ZNF451: variants seen among roughly 807,000 people sequenced by gnomAD.
The protein encoded by ZNF451 is zinc finger protein 451, also known as E3 SUMO-protein ligase ZNF451.
Under a neutral mutation model 107.1 loss-of-function variants are expected in ZNF451, and 80 were observed. The ratio of observed to expected loss-of-function variants is 0.75; its 90% confidence interval spans 0.62 to 0.90. The LOEUF is 0.90. ZNF451 is among the 40% of genes least tolerant of loss of function. The pLI is 0.00. For synonymous variants in ZNF451, 362 were observed against 406.5 expected, an observed-to-expected ratio of 0.89 and a Z score of 1.32; for missense variants, 1,107 against 1,236.2, an observed-to-expected ratio of 0.90 and a Z score of 1.57.
chr6:57,096,545 A>C (rs1010406879), intron 2 of ZNF451, among the ~76,000 whole-genome samples: 1 of 121,052 alleles, frequency 8.3e-6, no homozygotes, highest in Non-Finnish European at 1.6e-5. Context: ...GTCATCTTTC[A>C]TCTTCTTCTT....
intron 2 of ZNF451, among the ~76,000 whole-genome samples, chr6:57,098,378 G>T (rs1028255824): frequency 5.3e-5 from 8 of 151,786 alleles, no homozygotes; most frequent in African/African-American, 1.7e-4. Flanking sequence ...GTATTCTCTT[G>T]TATATCCACT....
At chr6:57,161,236 C>T (rs1763661515) in intron 14 of ZNF451, 84 bp downstream of exon 14, 2 of 692,708 alleles carry the variant, frequency 2.9e-6, no homozygotes, top group East Asian at 3.0e-5. Context: ...CCCATTCACC[C>T]CTCTTATTCC....
At chr6:57,134,477 G>T (rs980856861) in intron 6 of ZNF451, among the ~76,000 whole-genome samples, 2 of 152,184 alleles carry the variant, frequency 1.3e-5, no homozygotes, top group African/African-American at 4.8e-5. Context: ...TACCAGTTTG[G>T]TAAGAAATGT....
intron 3 of ZNF451, chr6:57,104,138 G>A (rs879149785): frequency 1.0e-6 from 1 of 984,310 alleles, no homozygotes; most frequent in South Asian, 4.7e-5. Context: ...TGTAGAAATA[G>A]GTCCATGCCA....
chr6:57,096,057 CAT>C (rs1254198751), intron 2 of ZNF451, among the ~76,000 whole-genome samples: 2 of 151,996 alleles, frequency 1.3e-5, no homozygotes, highest in African/African-American at 4.8e-5. Context: ...CTCATGGCCT[CAT>C]GTGGTCCACC....
intron 7 of ZNF451, among the ~76,000 whole-genome samples, chr6:57,138,998 A>G: frequency 6.6e-6 from 1 of 151,856 alleles, no homozygotes; most frequent in Non-Finnish European, 1.5e-5. Flanking sequence ...AAACAACTTT[A>G]TGTGAGTTCA....
chr6:57,138,749 G>A (rs1192150432), intron 7 of ZNF451, among the ~76,000 whole-genome samples: 5 of 124,182 alleles, frequency 4.0e-5, no homozygotes, highest in African/African-American at 1.2e-4. Flanking sequence ...ATATGTGTGT[G>A]TGTGTGTGTG....
chr6:57,156,366 G>A (rs541482903), intron 13 of ZNF451, among the ~76,000 whole-genome samples: 1 of 152,216 alleles, frequency 6.6e-6, no homozygotes, highest in African/African-American at 2.4e-5. Flanking sequence ...TTTGTGAATA[G>A]TTGAGTAATA....
At chr6:57,100,919 G>A (rs890292999) in intron 3 of ZNF451, 23 of 1,550,752 alleles carry the variant, frequency 1.5e-5, no homozygotes, top group African/African-American at 5.5e-5. Flanking sequence ...GAGAATTTAC[G>A]TATAGATTCT....
At chr6:57,102,677 G>A (rs1156626359) in intron 3 of ZNF451, 11 of 985,422 alleles carry the variant, frequency 1.1e-5, no homozygotes, top group Middle Eastern at 5.2e-4. Flanking sequence ...AATCAGCCAT[G>A]AAGCTTTGTG....
chr6:57,099,363 G>T, intron 3 of ZNF451: 1 of 665,138 alleles, frequency 1.5e-6, no homozygotes, highest in Non-Finnish European at 2.7e-6. Context: ...ATATGACTCT[G>T]GGAAATTCAG....
chr6:57,102,810 A>C (rs1829669776), intron 3 of ZNF451: 3 of 985,452 alleles, frequency 3.0e-6, no homozygotes, highest in Non-Finnish European at 2.4e-6. Context: ...ATCTCTGTAG[A>C]AATTGCACAG....
chr6:57,163,318 C>T (rs1243111690), intron 14 of ZNF451, among the ~76,000 whole-genome samples: 2 of 151,654 alleles, frequency 1.3e-5, no homozygotes, highest in Non-Finnish European at 2.9e-5. Flanking sequence ...CTGTCTATAA[C>T]TTTCATCTCT....
intron 14 of ZNF451, chr6:57,165,138 T>C (rs1763838427): frequency 6.6e-6 from 1 of 152,218 alleles, no homozygotes; most frequent in Non-Finnish European, 1.5e-5. Context: ...CTCTCTTGTA[T>C]GTGATGAGTT....
At chr6:57,117,525 G>A (rs1830430924) in intron 3 of ZNF451, among the ~76,000 whole-genome samples, 1 of 152,096 alleles carries the variant, frequency 6.6e-6, no homozygotes, top group Admixed American at 6.5e-5. Context: ...ATGTTTAAAT[G>A]GCTAAACAAC....
intron 4 of ZNF451, among the ~76,000 whole-genome samples, chr6:57,128,072 T>G (rs536364726): frequency 5.5e-4 from 84 of 152,276 alleles, no homozygotes; most frequent in African/African-American, 1.9e-3. Flanking sequence ...TGTGGAAAAG[T>G]TTGTTACCCC....
At chr6:57,116,113 C>T (rs1156342128) in intron 3 of ZNF451, 3 of 152,088 alleles carry the variant, frequency 2.0e-5, no homozygotes, top group Non-Finnish European at 2.9e-5. Flanking sequence ...CAAATCCAGC[C>T]TAAGGAAAGG....
intron 3 of ZNF451, chr6:57,107,852 T>G (rs987086861): frequency 2.0e-4 from 197 of 976,056 alleles, no homozygotes; most frequent in Non-Finnish European, 1.1e-4. Flanking sequence ...TTTTTTTTTT[T>G]TTTTGAGACG....
chr6:57,168,486 A>G lies in ZNF451; in HGVS notation c.*17A>G. ...GAAATGTAATTAAAGATATTACCAC[A>G]CAACATCAAGTGGCCTTGAAGAGAC... On this transcript the variant is annotated 3_prime_UTR_variant, in exon 15 of 15. Coordinates refer to ENST00000370706, the MANE Select transcript of ZNF451 (RefSeq NM_001031623.3). 6.2e-7 allele frequency: 1 copy of G among 1,600,154 alleles called. No homozygotes were observed. Among genetic ancestry groups the G allele is most frequent in the Non-Finnish European group, 8.5e-7 (1 of 1,170,604 alleles).
Sources: gnomAD v4.1 joint callset for allele counts (sites outside exome capture counted in the v4.1 genomes callset) on GRCh38, gnomAD v4.1.1 for gene constraint, MANE v1.5 for transcripts, NCBI Gene and HGNC (gene_info 2026-07-23, HGNC 2026-07-21) for gene names.